The following RSF1 variants were observed in gnomAD, a reference collection of about 807,000 sequenced individuals.
RSF1 encodes remodeling and spacing factor 1.
A neutral mutation model predicts 145.2 loss-of-function variants in RSF1; 13 were observed. The ratio of observed to expected loss-of-function variants is 0.09; its 90% CI spans 0.06 to 0.14. The LOEUF (loss-of-function observed/expected upper bound fraction) is 0.14. RSF1 is among the 10% of genes least tolerant of loss of function. RSF1 has a pLI of 1.00. For missense variants in RSF1, 1,517 were observed against 1,718.2 expected, an observed-to-expected ratio of 0.88 and a Z score of 2.07; for synonymous variants, 577 against 592.6, an observed-to-expected ratio of 0.97 and a Z score of 0.38.
intron 1 of RSF1, among the ~76,000 whole-genome samples, chr11:77,795,050 T>C (rs1157933008): frequency 6.6e-6 from 1 of 151,766 alleles, no homozygotes; most frequent in Non-Finnish European, 1.5e-5. Context: ...TATACACCAA[T>C]AACGCAAGAG....
chr11:77,671,009 G>A (rs1959509297), intron 15 of RSF1, among the ~76,000 whole-genome samples: 1 of 143,862 alleles, frequency 7.0e-6, no homozygotes, highest in African/African-American at 2.6e-5. Context: ...GGGAGGCTGA[G>A]CCAGGAGAAT....
At chr11:77,798,063 T>C (rs948953021) in intron 1 of RSF1, among the ~76,000 whole-genome samples, 1 of 151,982 alleles carries the variant, frequency 6.6e-6, no homozygotes, top group Non-Finnish European at 1.5e-5. Context: ...TTGGTGGGAG[T>C]GTAAATTAGT....
chr11:77,734,747 A>G, intron 4 of RSF1: 1 of 1,524,674 alleles, frequency 6.6e-7, no homozygotes. Context: ...CCGCTCTCCC[A>G]GTCATCACAG....
chr11:77,741,162 C>T (rs1156456818), intron 3 of RSF1, among the ~76,000 whole-genome samples: 1 of 152,162 alleles, frequency 6.6e-6, no homozygotes, highest in East Asian at 1.9e-4. Context: ...AGGTTTAACA[C>T]AACCACTGAC....
the RSF1 span, among the ~76,000 whole-genome samples, chr11:77,838,685 G>A: frequency 7.1e-6 from 1 of 141,676 alleles, no homozygotes; most frequent in South Asian, 2.2e-4. Flanking sequence ...GGCATTATCT[G>A]GGCTCACTGT....
intron 1 of RSF1, among the ~76,000 whole-genome samples, chr11:77,795,662 A>G (rs139119480): frequency 1.3e-3 from 200 of 152,360 alleles, no homozygotes; most frequent in African/African-American, 4.6e-3. Context: ...CTGGAAAAGC[A>G]TATGCAGAAG....
rs1959220867 is a variant in RSF1 at position 77,660,417 on chromosome 11, A to AC, written c.*6499dup. 1 of 119,930 alleles carries AC rather than the reference A, an allele frequency of 8.3e-6. No homozygotes were observed. The highest frequency in any genetic ancestry group is 3.0e-5 in the African/African-American group (1 of 33,182). The allele number at this position is 119,930 out of a possible 1,614,324, so 7.4% of individuals were successfully genotyped here. On this transcript the variant is annotated 3_prime_UTR_variant, in exon 16 of 16. Transcript: ENST00000308488. ...GTTTTCTGATCTTCCCTGCCCCCCC[A>AC]CCCCCACACACATGCAGTACATTAT...
At chr11:77,671,037 C>T (rs1355887534) in intron 15 of RSF1, among the ~76,000 whole-genome samples, 6 of 133,016 alleles carry the variant, frequency 4.5e-5, no homozygotes, top group Non-Finnish European at 7.8e-5. Flanking sequence ...ACTTGGGAGG[C>T]GGAGGTTGCA....
At chr11:77,811,147 A>T (rs866479960) in intron 1 of RSF1, among the ~76,000 whole-genome samples, 1 of 152,246 alleles carries the variant, frequency 6.6e-6, no homozygotes, top group Non-Finnish European at 1.5e-5. Context: ...AACAGAATGT[A>T]AACAAATGAA....
At chr11:77,759,075 T>C (rs963109368) in intron 2 of RSF1, among the ~76,000 whole-genome samples, 1 of 152,226 alleles carries the variant, frequency 6.6e-6, no homozygotes, top group African/African-American at 2.4e-5. Context: ...TTTCATGATT[T>C]AGCCCTTATA....
chr11:77,785,538 C>T (rs189464279), intron 1 of RSF1, among the ~76,000 whole-genome samples: 12 of 151,238 alleles, frequency 7.9e-5, no homozygotes, highest in African/African-American at 1.2e-4. Context: ...TGCAGTGAGC[C>T]GAGCTCATGC....
intron 1 of RSF1, among the ~76,000 whole-genome samples, chr11:77,820,185 G>A (rs1948843292): frequency 6.6e-6 from 1 of 152,272 alleles, no homozygotes; most frequent in East Asian, 1.9e-4. Flanking sequence ...CCGCCGCCAA[G>A]GGGGAGACGG....
chr11:77,696,217 T>C (rs1376808109), intron 7 of RSF1, among the ~76,000 whole-genome samples: 3 of 152,206 alleles, frequency 2.0e-5, no homozygotes, highest in Admixed American at 6.5e-5. Flanking sequence ...AAAGGGAAGA[T>C]TGCTTCTACT....
the RSF1 span, chr11:77,842,423 A>C: frequency 2.6e-6 from 4 of 1,523,762 alleles, no homozygotes; most frequent in Non-Finnish European, 3.6e-6. Context: ...CTGTATTTTC[A>C]AACTGTTTCA....
At chr11:77,872,002 C>A in the RSF1 span, 31 of 487,738 alleles carry the variant, frequency 6.4e-5, no homozygotes, top group Admixed American at 1.2e-4. Context: ...GACAAAGAGG[C>A]CTTTTTGACT....
chr11:77,778,704 T>G (rs11237289), intron 1 of RSF1, among the ~76,000 whole-genome samples: 38,696 of 152,096 alleles, frequency 0.25, 5,630 homozygotes, highest in South Asian at 0.49. Context: ...CTAAATGGAC[T>G]CTTCAGTCTT....
At chr11:77,752,728 A>C (rs1249328901) in intron 2 of RSF1, among the ~76,000 whole-genome samples, 2 of 152,152 alleles carry the variant, frequency 1.3e-5, no homozygotes, top group African/African-American at 4.8e-5. Flanking sequence ...GGGCAGCTTC[A>C]TCTTGAATAG....
At chr11:77,837,401 G>A in the RSF1 span, among the ~76,000 whole-genome samples, 2 of 150,796 alleles carry the variant, frequency 1.3e-5, no homozygotes, top group African/African-American at 4.9e-5. Context: ...CTCCCAAAAT[G>A]CTGGCATCAC....
chr11:77,863,399 C>T, the RSF1 span, among the ~76,000 whole-genome samples: 9 of 152,248 alleles, frequency 5.9e-5, no homozygotes, highest in South Asian at 2.1e-4. Flanking sequence ...TAACAAAACA[C>T]GGACCAGAAG....
Sources: gnomAD v4.1 joint callset for allele counts (sites outside exome capture counted in the v4.1 genomes callset) on GRCh38, gnomAD v4.1.1 for gene constraint, MANE v1.5 for transcripts, NCBI Gene and HGNC (gene_info 2026-07-23, HGNC 2026-07-21) for gene names.